Variants in BRWD1 observed in about 807,000 individuals in gnomAD.
The protein encoded by BRWD1 is bromodomain and WD repeat domain containing 1, also known as bromodomain and WD repeat-containing protein 1.
Under a neutral mutation model 251.2 loss-of-function variants are expected in BRWD1, and 82 were observed. That is an observed-to-expected ratio of 0.33 (90% CI 0.27 to 0.39). The LOEUF (loss-of-function observed/expected upper bound fraction) is 0.39. BRWD1 is among the 10% of genes least tolerant of loss of function. BRWD1 has a pLI of 1.00. For synonymous variants in BRWD1, 918 were observed against 902.8 expected (o/e 1.02, Z -0.30); for missense variants, 2,233 against 2,711.6 (o/e 0.82, Z 3.92).
intron 20 of BRWD1, among the ~76,000 whole-genome samples, chr21:39,249,170 A>C (rs1172429129): frequency 6.6e-6 from 1 of 152,220 alleles, no homozygotes; most frequent in Non-Finnish European, 1.5e-5. Context: ...CATTGAGTAC[A>C]GAAGGGAACA....
At chr21:39,184,421 A>C (rs775718306), downstream of BRWD1, 1 of 152,230 alleles carries the variant, frequency 6.6e-6, no homozygotes, top group Non-Finnish European at 1.5e-5. Flanking sequence ...TGTTTCAAGC[A>C]AGAGAAAAAG....
chr21:39,312,945 GGGGGGGGC>G, intron 3 of BRWD1, 45 bp from the exon 4 acceptor site: 3 of 716,206 alleles, frequency 4.2e-6, no homozygotes, highest in African/African-American at 2.0e-5. Flanking sequence ...CCTCCGGCGC[GGGGGGGGC>G]GGGGGGCGGG....
In BRWD1 at chr21:39,281,908, A is replaced by ATACATATACATG. The variant is rs1568948225; in HGVS notation, c.832-1661_832-1660insCATGTATATGTA. On this transcript the variant is annotated intron_variant, in intron 8 of 40. Coordinates refer to ENST00000342449, the MANE Select transcript of BRWD1 (RefSeq NM_033656.4). ...TATATATATATGTATGTATGTATAC[A>ATACATATACATG]TGTATATATATACGTATACATACAT... is the stretch of plus-strand genomic sequence containing the variant. Among the ~76,000 whole-genome samples, 11 of 131,048 alleles carry ATACATATACATG rather than the reference A, an allele frequency of 8.4e-5. No individual in the cohort carries two copies. In the South Asian group the frequency reaches 2.2e-3, roughly 27 times the overall value. The allele number at this position is 131,048 out of a possible 152,430, so 86.0% of individuals were successfully genotyped here.
Position 39,270,363 on chromosome 21 carries a change from T to C in BRWD1, c.1315A>G (p.Ser439Gly). Reference sequence around the variant, plus strand: ...TCATTCACAGCTGTGACAACAATGCTATCATTTTGATTCCAAGCTATCATT... The same window carrying C: ...TCATTCACAGCTGTGACAACAATGCCATCATTTTGATTCCAAGCTATCATT... ...VTMIAWNQND[S>G]IVVTAVNDHV... is the part of the protein sequence containing the mutation. The change falls in exon 14 of 41, where the codon AGC (serine) becomes GGC (glycine). Residue 439 changes from serine (S) to glycine (G), a missense_variant. Ser to Gly is a moderately conservative substitution (Grantham distance 56). Transcript: ENST00000342449. 1.9e-6 allele frequency: 3 copies of C among 1,613,086 alleles called. No individual in the cohort carries two copies. Among genetic ancestry groups the C allele is most frequent in the African/African-American group, 1.3e-5 (1 of 75,022 alleles).
At chr21:39,184,599 T>G (rs1231929875), downstream of BRWD1, 6 of 152,154 alleles carry the variant, frequency 3.9e-5, no homozygotes, top group Admixed American at 3.3e-4. Context: ...TGAGATAAAA[T>G]CTCAAAGCTG....
intron 8 of BRWD1, among the ~76,000 whole-genome samples, chr21:39,288,698 A>T (rs2146730758): frequency 6.6e-6 from 1 of 152,328 alleles, no homozygotes; most frequent in East Asian, 1.9e-4. Context: ...TATATAATGT[A>T]TTCTTATAAT....
At position 39,300,334 on chromosome 21, in the gene BRWD1, G is replaced by A. The variant is rs569234399; in HGVS notation, c.199-1752C>T. On this transcript the variant is annotated intron_variant, in intron 4 of 40. Transcript: ENST00000342449. ...TGACATGGAAAGCCTAGAGCAGGACGGCAAGGCAGAGCGAACTCTGTAGCA... is the reference window on the plus strand; with the variant it reads ...TGACATGGAAAGCCTAGAGCAGGACAGCAAGGCAGAGCGAACTCTGTAGCA... 8.5e-5 allele frequency among the ~76,000 whole-genome samples: 13 copies of A among 152,286 alleles called. No homozygotes were observed. The East Asian group carries it at 2.3e-3, about 27-fold the overall frequency.
rs571727903 is a variant in BRWD1, at chr21:39,262,747, A to G, written c.1885+1713T>C. Reference sequence around the variant, plus strand: ...TACACTTTGTATATAAAACCCTCTTAAAGGACAAAATTAAAGTGACAGAAA... The same window carrying G: ...TACACTTTGTATATAAAACCCTCTTGAAGGACAAAATTAAAGTGACAGAAA... On this transcript the variant is annotated intron_variant, in intron 17 of 40. Coordinates refer to ENST00000342449, the MANE Select transcript of BRWD1 (RefSeq NM_033656.4). 1.3e-4 allele frequency among the ~76,000 whole-genome samples: 20 copies of G among 152,214 alleles called. No homozygotes were observed. In the East Asian group the frequency reaches 3.7e-3, roughly 28 times the overall value.
At chr21:39,286,116 G>A (rs1479149592) in intron 8 of BRWD1, among the ~76,000 whole-genome samples, 2 of 142,340 alleles carry the variant, frequency 1.4e-5, no homozygotes, top group Admixed American at 7.7e-5. Flanking sequence ...CCAGGTTCAC[G>A]CCATTCTCCT....
Position 39,312,973 on chromosome 21 carries a change from G to GT in BRWD1, c.139-74_139-73insA, listed in dbSNP as rs2036554560. The GT allele has an allele frequency of 9.3e-6, 5 of 540,096 alleles. 1 individual carries two copies. The highest frequency in any genetic ancestry group is 1.2e-5 in the Non-Finnish European group (5 of 419,648). 33.5% of individuals were successfully genotyped at this position (540,096 alleles called of 1,614,324 possible). A position where few individuals can be genotyped will look rare whatever the true frequency, so the allele number is the denominator to read the frequency against. On this transcript the variant is annotated intron_variant, in intron 3 of 40. Transcript: ENST00000342449. The stretch of plus-strand genomic sequence containing the variant: ...GGGGGCGGGGGGCGGGGGGCCGGGG[G>GT]CGGGCGGCGGGCGGCGGGCGGGGGG...
chr21:39,244,687 G>A (rs1411389761), intron 21 of BRWD1, among the ~76,000 whole-genome samples: 1 of 151,912 alleles, frequency 6.6e-6, no homozygotes, highest in Non-Finnish European at 1.5e-5. Context: ...TTACGTAACA[G>A]TTTTCCCAAA....
chr21:39,196,527 G>C lies in BRWD1; in HGVS notation c.6542C>G (p.Thr2181Arg). 3 of 1,613,222 alleles carry C rather than the reference G, an allele frequency of 1.9e-6. No homozygotes were observed. Among genetic ancestry groups the C allele is most frequent in the African/African-American group, 1.3e-5 (1 of 74,858 alleles). The change falls in exon 41 of 41, where the codon ACG (threonine) becomes AGG (arginine). Residue 2181 changes from threonine to arginine, a missense_variant. This residue lies in a region of BRWD1 where 928 missense variants were observed against 970.0 expected (regional missense o/e 0.96). Coordinates refer to ENST00000342449, the MANE Select transcript of BRWD1 (RefSeq NM_033656.4). ...TCTAACTACTTTTGCTTTTCCTTTC[G>C]TTTTCCTCCTTTTGGTTTTTGTATT... ...TDNTKTKRRK[T>R]KGKAKVVRKG...
intron 17 of BRWD1, among the ~76,000 whole-genome samples, chr21:39,262,358 T>C (rs2034779017): frequency 6.6e-6 from 1 of 152,202 alleles, no homozygotes; most frequent in African/African-American, 2.4e-5. Flanking sequence ...AAACTACTGA[T>C]ACATGCAACA....
At chr21:39,251,813 T>C (rs1412747523) in intron 19 of BRWD1, among the ~76,000 whole-genome samples, 1 of 152,132 alleles carries the variant, frequency 6.6e-6, no homozygotes, top group African/African-American at 2.4e-5. Context: ...TCTGTATGTT[T>C]CCCTTTGACA....
chr21:39,244,747 C>T (rs371432878), intron 21 of BRWD1, among the ~76,000 whole-genome samples: 8 of 151,774 alleles, frequency 5.3e-5, no homozygotes, highest in Non-Finnish European at 7.4e-5. Context: ...GTACTTGAGG[C>T]GGAGAGGTTG....
chr21:39,270,512 A>G, intron 13 of BRWD1, 79 bp from the exon 14 acceptor site: 1 of 1,236,616 alleles, frequency 8.1e-7, no homozygotes, highest in Non-Finnish European at 1.1e-6. Flanking sequence ...TCAATACAAA[A>G]ATAAAGAAAT....
chr21:39,202,477 T>C lies in BRWD1; in HGVS notation c.4433A>G (p.Gln1478Arg). The change falls in exon 38 of 41, where the codon CAG becomes CGG. Residue 1478 changes from glutamine (Q) to arginine (R), a missense_variant. Physicochemically the swap from Gln to Arg is conservative, Grantham distance 43 (BLOSUM62 1). Coordinates refer to ENST00000342449, the MANE Select transcript of BRWD1 (RefSeq NM_033656.4). The stretch of plus-strand genomic sequence containing the variant: ...ATAAGCTGTCCTACTTGAGGTAGAC[T>C]GGGTAGGAGAACCTACCAACTCAGG... ...IIPELVGSPT[Q>R]STSSRTAYLG... 4 of 1,614,092 alleles carry C rather than the reference T, an allele frequency of 2.5e-6. No individual in the cohort carries two copies. The highest frequency in any genetic ancestry group is 3.4e-6 in the Non-Finnish European group (4 of 1,179,960).
chr21:39,202,191 A>G (rs902715629), intron 38 of BRWD1, 134 bp downstream of exon 38: 2 of 590,052 alleles, frequency 3.4e-6, no homozygotes, highest in South Asian at 5.1e-5. Flanking sequence ...TATTATGTTT[A>G]TCTCTTCCAT....
intron 8 of BRWD1, among the ~76,000 whole-genome samples, chr21:39,287,436 G>A (rs988767575): frequency 6.6e-6 from 1 of 152,160 alleles, no homozygotes; most frequent in Non-Finnish European, 1.5e-5. Flanking sequence ...TAATAAGTAG[G>A]TAGAGAAAAT....
Sources: allele counts gnomAD v4.1 joint callset (sites outside exome capture counted in the v4.1 genomes callset), GRCh38; gene constraint gnomAD v4.1.1; regional missense constraint gnomAD v4.1.1; transcripts MANE v1.5; gene names NCBI Gene and HGNC (gene_info 2026-07-23, HGNC 2026-07-21).